The following CTNND2 variants were observed in gnomAD, a reference collection of about 807,000 sequenced individuals.
CTNND2 encodes the protein catenin delta 2.
A neutral mutation model predicts 144.4 loss-of-function variants in CTNND2; 22 were observed. The observed-to-expected ratio is 0.15, with a 90% CI of 0.11 to 0.22. The LOEUF is 0.22. Ranked by LOEUF, CTNND2 falls within the 10% of genes least tolerant of loss-of-function variation. The pLI is 1.00. For missense variants in CTNND2, 1,353 were observed against 1,618.8 expected (o/e 0.84, Z 2.82); for synonymous variants, 751 against 695.6 (o/e 1.08, Z -1.25).
intron 9 of CTNND2, among the ~76,000 whole-genome samples, chr5:11,331,998 G>A (rs1040786129): frequency 6.6e-6 from 1 of 152,068 alleles, no homozygotes; most frequent in Non-Finnish European, 1.5e-5. Context: ...AATGTAGGCC[G>A]GGCATGGTGG....
intron 3 of CTNND2, among the ~76,000 whole-genome samples, chr5:11,471,110 G>T (rs938077215): frequency 2.7e-5 from 4 of 150,316 alleles, no homozygotes; most frequent in Middle Eastern, 3.5e-3. Flanking sequence ...CCTGAGTAGC[G>T]GGGACTACAG....
chr5:11,020,834 T>TAACCCTAACCC (rs1561183207), intron 17 of CTNND2, among the ~76,000 whole-genome samples: 1 of 152,130 alleles, frequency 6.6e-6, no homozygotes, highest in Admixed American at 6.5e-5. Flanking sequence ...AATTTAACAC[T>TAACCCTAACCC]TCTTATTAAA....
chr5:11,151,468 T>A (rs919678454), intron 12 of CTNND2, among the ~76,000 whole-genome samples: 8 of 152,208 alleles, frequency 5.3e-5, no homozygotes, highest in Non-Finnish European at 1.0e-4. Flanking sequence ...TTTAAACCAA[T>A]TGATAATTCA....
chr5:11,563,103 T>A (rs1283294551), intron 3 of CTNND2, among the ~76,000 whole-genome samples: 1 of 152,200 alleles, frequency 6.6e-6, no homozygotes, highest in African/African-American at 2.4e-5. Context: ...CACAGTCTGG[T>A]CAGGTCCATT....
chr5:11,872,285 G>A (rs942751912), intron 1 of CTNND2, among the ~76,000 whole-genome samples: 4 of 152,216 alleles, frequency 2.6e-5, no homozygotes, highest in Non-Finnish European at 5.9e-5. Context: ...GTCTATCACT[G>A]ATGGGCATTT....
chr5:11,742,583 C>A (rs1788079097), intron 1 of CTNND2, among the ~76,000 whole-genome samples: 1 of 152,130 alleles, frequency 6.6e-6, no homozygotes, highest in Non-Finnish European at 1.5e-5. Flanking sequence ...GGCTTTACTT[C>A]CATCATCAGG....
At chr5:11,061,358 T>C (rs544070873) in intron 16 of CTNND2, among the ~76,000 whole-genome samples, 1 of 152,220 alleles carries the variant, frequency 6.6e-6, no homozygotes, top group Non-Finnish European at 1.5e-5. Context: ...CTGATCATGC[T>C]TTCATGAGCC....
chr5:11,322,060 A>T (rs2012173), intron 9 of CTNND2, among the ~76,000 whole-genome samples: 108,892 of 152,018 alleles, frequency 0.72, 39,201 homozygotes, highest in South Asian at 0.85. Flanking sequence ...CCTCCACACG[A>T]CTGCAACTCC....
At chr5:11,353,713 G>A (rs1755575395) in intron 8 of CTNND2, among the ~76,000 whole-genome samples, 1 of 151,714 alleles carries the variant, frequency 6.6e-6, no homozygotes, top group Non-Finnish European at 1.5e-5. Flanking sequence ...TGAGGTAGGA[G>A]AACCGTTTGA....
At chr5:11,255,118 T>C (rs1744096403) in intron 9 of CTNND2, among the ~76,000 whole-genome samples, 1 of 152,364 alleles carries the variant, frequency 6.6e-6, no homozygotes, top group Non-Finnish European at 1.5e-5. Flanking sequence ...GACTTGTTTA[T>C]GTTTCAAGTC....
At chr5:11,744,312 C>T (rs1003751691) in intron 1 of CTNND2, among the ~76,000 whole-genome samples, 2 of 152,216 alleles carry the variant, frequency 1.3e-5, no homozygotes, top group African/African-American at 4.8e-5. Context: ...AAGCTTGTGA[C>T]TTGAGAGCCA....
intron 2 of CTNND2, among the ~76,000 whole-genome samples, chr5:11,643,228 G>GT (rs1196448565): frequency 1.3e-5 from 2 of 151,132 alleles, no homozygotes; most frequent in African/African-American, 2.4e-5. Context: ...TTTTATTTTT[G>GT]TTTTTTTAAT....
At chr5:11,597,583 CTT>C (rs1194224784) in intron 2 of CTNND2, among the ~76,000 whole-genome samples, 1 of 147,048 alleles carries the variant, frequency 6.8e-6, no homozygotes. Flanking sequence ...AGGGAATATT[CTT>C]TTTTTTTTTT....
intron 15 of CTNND2, among the ~76,000 whole-genome samples, chr5:11,090,647 G>A (rs1475876443): frequency 2.0e-5 from 3 of 152,242 alleles, no homozygotes; most frequent in Non-Finnish European, 2.9e-5. Flanking sequence ...ACTATTCCTC[G>A]CCCCATTGGA....
At chr5:11,850,650 A>G (rs1794968827) in intron 1 of CTNND2, among the ~76,000 whole-genome samples, 2 of 152,208 alleles carry the variant, frequency 1.3e-5, no homozygotes, top group Non-Finnish European at 2.9e-5. Context: ...ACTGAGCCAC[A>G]AAAGATAATA....
intron 11 of CTNND2, among the ~76,000 whole-genome samples, chr5:11,195,294 C>T (rs1736749625): frequency 6.6e-6 from 1 of 152,112 alleles, no homozygotes; most frequent in Non-Finnish European, 1.5e-5. Context: ...TAGTAAACAT[C>T]ACTCATGTGT....
chr5:11,296,985 A>T (rs1031991075), intron 9 of CTNND2, among the ~76,000 whole-genome samples: 1 of 152,184 alleles, frequency 6.6e-6, no homozygotes, highest in Non-Finnish European at 1.5e-5. Context: ...AAGTATAATA[A>T]AAAAAAGAAA....
chr5:11,893,351 A>G (rs1172313808), intron 1 of CTNND2, among the ~76,000 whole-genome samples: 1 of 152,214 alleles, frequency 6.6e-6, no homozygotes, highest in Non-Finnish European at 1.5e-5. Context: ...TAAACCATTC[A>G]GAGGGGGACA....
intron 2 of CTNND2, among the ~76,000 whole-genome samples, chr5:11,719,833 T>TACACAC (rs36223515): frequency 0.03 from 4,233 of 142,042 alleles, 76 homozygotes; most frequent in Non-Finnish European, 0.04. Context: ...CTCTGACATA[T>TACACAC]ACACACACAC....
Sources: gnomAD v4.1 joint callset for allele counts (sites outside exome capture counted in the v4.1 genomes callset) on GRCh38, gnomAD v4.1.1 for gene constraint, MANE v1.5 for transcripts, NCBI Gene and HGNC (gene_info 2026-07-23, HGNC 2026-07-21) for gene names.